Variants in YPEL2 observed in about 807,000 individuals in gnomAD.
YPEL2 encodes the protein protein yippee-like 2.
In YPEL2, 2 loss-of-function variants were observed where a neutral mutation model predicts 19.1. The ratio of observed to expected loss-of-function variants is 0.10; its 90% confidence interval spans 0.04 to 0.33. The LOEUF (loss-of-function observed/expected upper bound fraction) is 0.33. Among genes scored for constraint, YPEL2 ranks in the 10% least tolerant of loss-of-function variants. YPEL2 has a pLI of 1.00. For synonymous variants in YPEL2, 52 were observed against 50.0 expected (o/e 1.04, Z -0.17); for missense variants, 66 against 140.7 (o/e 0.47, Z 2.68).
chr17:59,347,167 C>T (rs2047760536), intron 1 of YPEL2, among the ~76,000 whole-genome samples: 1 of 152,082 alleles, frequency 6.6e-6, no homozygotes, highest in Non-Finnish European at 1.5e-5. Context: ...TCATATGAGC[C>T]CTATGAAGTA....
chr17:59,351,210 A>C (rs1370589070), intron 1 of YPEL2, among the ~76,000 whole-genome samples: 1 of 152,090 alleles, frequency 6.6e-6, no homozygotes, highest in African/African-American at 2.4e-5. Context: ...CCCTGTCTCT[A>C]CTAAAAATAC....
chr17:59,334,508 C>T (rs531912450), intron 1 of YPEL2, among the ~76,000 whole-genome samples: 76 of 151,700 alleles, frequency 5.0e-4, no homozygotes, highest in Non-Finnish European at 9.7e-4. Context: ...GGCCCAGTCC[C>T]TGTGTGCAGG....
At chr17:59,333,172 C>T (rs891261434) in intron 1 of YPEL2, among the ~76,000 whole-genome samples, 1 of 152,236 alleles carries the variant, frequency 6.6e-6, no homozygotes, top group Non-Finnish European at 1.5e-5. Flanking sequence ...GGAACATTTT[C>T]ATTCTTCTAA....
intron 2 of YPEL2, among the ~76,000 whole-genome samples, chr17:59,378,491 C>T (rs1598046657): frequency 6.6e-6 from 1 of 151,986 alleles, no homozygotes; most frequent in South Asian, 2.1e-4. Flanking sequence ...ATTACAAGTG[C>T]ACACCACCAC....
intron 1 of YPEL2, among the ~76,000 whole-genome samples, chr17:59,350,264 CT>C (rs2047781508): frequency 6.6e-6 from 1 of 151,986 alleles, no homozygotes; most frequent in Non-Finnish European, 1.5e-5. Context: ...GAGTTGAGGT[CT>C]TGCCGTGTTG....
At chr17:59,355,821 CAGGCCAA>C (rs1349399940) in intron 2 of YPEL2, 1 of 152,196 alleles carries the variant, frequency 6.6e-6, no homozygotes, top group Non-Finnish European at 1.5e-5. Context: ...TTCACAAGTC[CAGGCCAA>C]AGTCAGCACA....
rs376077112 is a variant in YPEL2, at chr17:59,390,340, CTG to C, written c.270+876_270+877del. On this transcript the variant is annotated intron_variant, in intron 4 of 4. Coordinates refer to ENST00000312655, the MANE Select transcript of YPEL2 (RefSeq NM_001005404.4). ...CTTAATAAATAGAGACAGGGTCTCA[CTG>C]TGTTGCTCAGGCTGGCCTCAAACTC... Among the ~76,000 whole-genome samples, 716 of 152,268 alleles carry C rather than the reference CTG, an allele frequency of 4.7e-3. 8 individuals carry two copies. The Middle Eastern group carries it at 0.051, about 11-fold the overall frequency.
chr17:59,350,064 C>T (rs187760663), intron 1 of YPEL2, among the ~76,000 whole-genome samples: 93 of 152,102 alleles, frequency 6.1e-4, no homozygotes, highest in African/African-American at 2.1e-3. Flanking sequence ...TTCAGCAAGC[C>T]GCTTTTTCTT....
chr17:59,372,191 G>A (rs766227900), intron 2 of YPEL2, among the ~76,000 whole-genome samples: 7 of 152,186 alleles, frequency 4.6e-5, no homozygotes, highest in Non-Finnish European at 8.8e-5. Flanking sequence ...CAGAAAGGTA[G>A]CAATTAAATG....
At chr17:59,396,030 G>A (rs1302685591) in intron 4 of YPEL2, among the ~76,000 whole-genome samples, 3 of 152,056 alleles carry the variant, frequency 2.0e-5, no homozygotes, top group African/African-American at 2.4e-5. Flanking sequence ...GTAGTGAGCC[G>A]AGATTGCACC....
intron 2 of YPEL2, among the ~76,000 whole-genome samples, chr17:59,370,507 C>A (rs572867503): frequency 1.1e-4 from 16 of 152,302 alleles, no homozygotes; most frequent in South Asian, 4.1e-4. Context: ...CAGGCCTGAT[C>A]TCAGGGTCTA....
rs1046279464 is a variant in YPEL2 at position 59,353,062 on chromosome 17, T to C, written c.-195-153T>C. On this transcript the variant is annotated intron_variant, in intron 1 of 4. Coordinates refer to ENST00000312655, the MANE Select transcript of YPEL2 (RefSeq NM_001005404.4). The surrounding 1 kb of genome is among the most constrained non-coding windows in gnomAD (Gnocchi z 4.8). ...TCTCCAGTGGTTTCTTTCTCATTCA[T>C]TGGGTATCTTGGGCATGATACCAGG... Among the ~76,000 whole-genome samples the C allele has an allele frequency of 6.6e-6, 1 of 152,222 alleles. No individual in the cohort carries two copies. Among genetic ancestry groups the C allele is most frequent in the Non-Finnish European group, 1.5e-5 (1 of 68,040 alleles).
At chr17:59,341,698 C>T (rs113801844) in intron 1 of YPEL2, among the ~76,000 whole-genome samples, 6,168 of 152,170 alleles carry the variant, frequency 0.041, 159 homozygotes, top group Non-Finnish European at 0.048. Flanking sequence ...AAACAGGCTG[C>T]GTGCATTTGC....
Position 59,389,471 on chromosome 17 carries a change from AAGTATAAAGG to A in YPEL2, c.270+7_270+16del, listed in dbSNP as rs752924635. The A allele has an allele frequency of 5.0e-6, 8 of 1,611,906 alleles. No homozygotes were observed. In the South Asian group the frequency reaches 6.6e-5, roughly 13 times the overall value. On this transcript the variant is annotated splice_donor_5th_base_variant and intron_variant, in intron 4 of 4. Coordinates refer to ENST00000312655, the MANE Select transcript of YPEL2 (RefSeq NM_001005404.4). ...AAACCACTCTGGGCTGGAAATACGT[AAGTATAAAGG>A]AGTTTGGTTGGTAGAGGGCTGGAAG...
At chr17:59,349,173 C>CAAAAAAAA (rs57129006) in intron 1 of YPEL2, among the ~76,000 whole-genome samples, 1 of 57,512 alleles carries the variant, frequency 1.7e-5, no homozygotes, top group African/African-American at 5.6e-5. Flanking sequence ...GACTCCGTCT[C>CAAAAAAAA]AAAAAAAAAA....
At chr17:59,340,461 G>T (rs1297427391) in intron 1 of YPEL2, among the ~76,000 whole-genome samples, 1 of 150,854 alleles carries the variant, frequency 6.6e-6, no homozygotes, top group Admixed American at 6.6e-5. Flanking sequence ...TGTCGCCCAG[G>T]CTGGAGTGCA....
At chr17:59,374,837 A>G (rs1354085366) in intron 2 of YPEL2, among the ~76,000 whole-genome samples, 1 of 152,208 alleles carries the variant, frequency 6.6e-6, no homozygotes, top group African/African-American at 2.4e-5. Flanking sequence ...AAGTGCTAGA[A>G]CTGGGAACTG....
intron 4 of YPEL2, among the ~76,000 whole-genome samples, chr17:59,394,041 ACGGGGTGGTGGC>A (rs1213218431): frequency 1.3e-5 from 2 of 152,162 alleles, no homozygotes; most frequent in Non-Finnish European, 2.9e-5. Flanking sequence ...CACCTTCCAG[ACGGGGTGGTGGC>A]CGGGCAGAGG....
rs865874045 is a variant in YPEL2, at chr17:59,400,754, G to A, written c.*3564G>A. ...TTTAGTTGTGCGTGTGCGCGCACAC[G>A]TGTGTAAAAAGCACTTTCGATTGTG... On this transcript the variant is annotated 3_prime_UTR_variant, in exon 5 of 5. Transcript: ENST00000312655. 4 of 152,700 alleles carry A rather than the reference G, an allele frequency of 2.6e-5. No homozygotes were observed. The highest frequency in any genetic ancestry group is 1.9e-4 in the East Asian group (1 of 5,184). The allele number at this position is 152,700 out of a possible 1,614,324, so 9.5% of individuals were successfully genotyped here.
Sources: allele counts gnomAD v4.1 joint callset (sites outside exome capture counted in the v4.1 genomes callset), GRCh38; gene constraint gnomAD v4.1.1; non-coding constraint Gnocchi (gnomAD v3.1); transcripts MANE v1.5; gene names NCBI Gene and HGNC (gene_info 2026-07-23, HGNC 2026-07-21).